The following ANTXR1 variants were observed in gnomAD, a reference collection of about 807,000 sequenced individuals.
ANTXR1 encodes ANTXR cell adhesion molecule 1, also known as anthrax toxin receptor 1.
ANTXR1 carries 19 observed loss-of-function variants against 78.1 expected under a neutral mutation model. That is an observed-to-expected ratio of 0.24 (90% confidence interval 0.17 to 0.36). ANTXR1 has a LOEUF of 0.36. Ranked by LOEUF, ANTXR1 falls within the 10% of genes least tolerant of loss-of-function variation. The pLI is 1.00. For missense variants in ANTXR1, 518 were observed against 718.6 expected (o/e 0.72, Z 3.19); for synonymous variants, 273 against 260.5 (o/e 1.05, Z -0.46).
intron 9 of ANTXR1, among the ~76,000 whole-genome samples, chr2:69,094,572 C>CT (rs1671339302): frequency 6.6e-6 from 1 of 152,126 alleles, no homozygotes; most frequent in Non-Finnish European, 1.5e-5. Flanking sequence ...CCTTCTTTTC[C>CT]TTGGCCCCTA....
intron 3 of ANTXR1, among the ~76,000 whole-genome samples, chr2:69,054,569 C>T (rs1296568905): frequency 1.3e-5 from 2 of 152,158 alleles, no homozygotes; most frequent in African/African-American, 4.8e-5. Context: ...GCCAAGAACA[C>T]TTGGCTCCAA....
intron 8 of ANTXR1, among the ~76,000 whole-genome samples, chr2:69,088,037 A>G (rs75055141): frequency 0.13 from 20,047 of 152,168 alleles, 2,264 homozygotes; most frequent in African/African-American, 0.31. Context: ...TTAAGTTAAG[A>G]TTGGGAAAGC....
intron 17 of ANTXR1, among the ~76,000 whole-genome samples, chr2:69,242,068 G>A (rs550206123): frequency 1.3e-5 from 2 of 152,254 alleles, no homozygotes; most frequent in Admixed American, 1.3e-4. Context: ...GGAGTGAGGG[G>A]AGGGTCTATA....
intron 2 of ANTXR1, among the ~76,000 whole-genome samples, chr2:69,042,831 A>T (rs1451896095): frequency 6.6e-6 from 1 of 152,164 alleles, no homozygotes; most frequent in Non-Finnish European, 1.5e-5. Flanking sequence ...AGTCCACTGG[A>T]TGCAGGGGTT....
intron 8 of ANTXR1, among the ~76,000 whole-genome samples, chr2:69,087,352 T>C (rs1287765988): frequency 1.3e-5 from 2 of 152,344 alleles, no homozygotes; most frequent in African/African-American, 4.8e-5. Flanking sequence ...ACTATTGTTA[T>C]CCCACTTTTA....
intron 1 of ANTXR1, among the ~76,000 whole-genome samples, chr2:69,027,371 C>T (rs183303968): frequency 2.6e-5 from 4 of 152,128 alleles, no homozygotes; most frequent in African/African-American, 7.2e-5. Context: ...TAGCACAATG[C>T]GAACCTGAAG....
intron 17 of ANTXR1, among the ~76,000 whole-genome samples, chr2:69,203,754 CCATCAT>C (rs753212809): frequency 9.9e-5 from 15 of 151,490 alleles, no homozygotes; most frequent in South Asian, 2.1e-4. Context: ...CTTATTATCA[CCATCAT>C]CATCATCATC....
chr2:69,215,268 G>A (rs182926194), intron 17 of ANTXR1, among the ~76,000 whole-genome samples: 41 of 152,316 alleles, frequency 2.7e-4, no homozygotes, highest in Non-Finnish European at 2.9e-4. Flanking sequence ...GAGACTCACA[G>A]CACAGCAACT....
intron 1 of ANTXR1, among the ~76,000 whole-genome samples, chr2:69,025,516 T>G (rs762737968): frequency 1.3e-5 from 2 of 152,188 alleles, no homozygotes; most frequent in Non-Finnish European, 2.9e-5. Flanking sequence ...AACATCTTGA[T>G]TGCAAAAGGA....
rs898311968 is a variant in ANTXR1, at chr2:69,124,746, G to C, written c.951+103G>C. 5.6e-6 allele frequency: 7 copies of C among 1,253,826 alleles called. No individual in the cohort carries two copies. The African/African-American group carries it at 8.9e-5, about 16-fold the overall frequency. The allele number at this position is 1,253,826 out of a possible 1,614,324, so 77.7% of individuals were successfully genotyped here. A position where few individuals can be genotyped will look rare whatever the true frequency, so the allele number is the denominator to read the frequency against. The stretch of plus-strand genomic sequence containing the variant: ...CCAAAGGTACCCTGGAAAGTTTTTT[G>C]GTTCTTCGTTCTGCTTGCTGAGCTT... On this transcript the variant is annotated intron_variant, in intron 12 of 17. Transcript: ENST00000303714.
intron 13 of ANTXR1, among the ~76,000 whole-genome samples, chr2:69,166,278 T>A (rs1409802121): frequency 1.3e-5 from 2 of 152,202 alleles, no homozygotes; most frequent in South Asian, 2.1e-4. Context: ...CATGTCAGCC[T>A]GAACAGAGAC....
chr2:69,105,254 A>T (rs1406843670), intron 10 of ANTXR1, among the ~76,000 whole-genome samples: 3 of 152,200 alleles, frequency 2.0e-5, no homozygotes, highest in Non-Finnish European at 4.4e-5. Context: ...AAACATATGC[A>T]CAGGCTTGTC....
At chr2:69,240,654 A>G (rs868523953) in intron 17 of ANTXR1, among the ~76,000 whole-genome samples, 4 of 152,232 alleles carry the variant, frequency 2.6e-5, no homozygotes, top group African/African-American at 9.6e-5. Flanking sequence ...GCTATCTACA[A>G]GTCTTTCAAG....
At position 69,146,054 on chromosome 2, in the gene ANTXR1, G is replaced by A. The variant is rs540168297; in HGVS notation, c.952-6115G>A. ...ATGCAGGGATTTGGCCATTCAAGCC[G>A]GGCAGCCTTCAGAGAATGTCATCCC... On this transcript the variant is annotated intron_variant, in intron 12 of 17. Transcript: ENST00000303714. The A allele has an allele frequency of 3.8e-4, 372 of 985,456 alleles. No homozygotes were observed. In the South Asian group the frequency reaches 4.3e-3, roughly 11 times the overall value. The allele number at this position is 985,456 out of a possible 1,614,324, so 61.0% of individuals were successfully genotyped here.
chr2:69,091,150 T>C (rs1671220807), intron 9 of ANTXR1, among the ~76,000 whole-genome samples: 1 of 151,526 alleles, frequency 6.6e-6, no homozygotes, highest in East Asian at 1.9e-4. Flanking sequence ...GTCCAAATTC[T>C]CTTCTTTCAC....
chr2:69,114,793 G>T (rs1316080264), intron 10 of ANTXR1, among the ~76,000 whole-genome samples: 1 of 152,120 alleles, frequency 6.6e-6, no homozygotes, highest in African/African-American at 2.4e-5. Flanking sequence ...AGCCTGCAAG[G>T]AGGGCTTTAT....
intron 3 of ANTXR1, 101 bp downstream of exon 3, chr2:69,044,914 A>G (rs1026688288): frequency 1.1e-5 from 13 of 1,173,310 alleles, no homozygotes; most frequent in Middle Eastern, 1.9e-4. Flanking sequence ...GATCACTTTA[A>G]TCTAATAGTT....
Position 69,013,425 on chromosome 2 carries a change from G to T in ANTXR1, c.-75G>T. On this transcript the variant is annotated 5_prime_UTR_variant, in exon 1 of 18. Coordinates refer to ENST00000303714, the MANE Select transcript of ANTXR1 (RefSeq NM_032208.3). The surrounding 1 kb of genome is among the most constrained non-coding windows in gnomAD (Gnocchi z 5.0). ...ACCCGCGAGGAAGGGCCCGCGGATG[G>T]CGCGTCCCTGAGGGTCGTGGCGAGT... The T allele has an allele frequency of 2.6e-6, 4 of 1,558,646 alleles. No homozygotes were observed. Among genetic ancestry groups the T allele is most frequent in the Non-Finnish European group, 2.6e-6 (3 of 1,150,840 alleles).
intron 3 of ANTXR1, among the ~76,000 whole-genome samples, chr2:69,051,174 T>C (rs1446965803): frequency 6.6e-6 from 1 of 151,950 alleles, no homozygotes; most frequent in Non-Finnish European, 1.5e-5. Context: ...TAATCCCACC[T>C]ACTTGGGAGG....
Sources: gnomAD v4.1 joint callset for allele counts (sites outside exome capture counted in the v4.1 genomes callset) on GRCh38, gnomAD v4.1.1 for gene constraint, Gnocchi (gnomAD v3.1) non-coding constraint, MANE v1.5 for transcripts, NCBI Gene and HGNC (gene_info 2026-07-23, HGNC 2026-07-21) for gene names.